The following HS6ST3 variants were observed in gnomAD, a reference collection of about 807,000 sequenced individuals.
The protein encoded by HS6ST3 is heparan sulfate 6-O-sulfotransferase 3.
HS6ST3 carries 12 observed loss-of-function variants against 36.7 expected under a neutral mutation model. The ratio of observed to expected loss-of-function variants is 0.33; its 90% CI spans 0.21 to 0.53. The LOEUF is 0.53. Among genes scored for constraint, HS6ST3 ranks in the 20% least tolerant of loss-of-function variants. The pLI is 0.95. For synonymous variants in HS6ST3, 240 were observed against 257.5 expected (o/e 0.93, Z 0.65); for missense variants, 584 against 640.9 (o/e 0.91, Z 0.96).
At chr13:96,817,165 A>G (rs544028144) in intron 1 of HS6ST3, among the ~76,000 whole-genome samples, 6 of 151,702 alleles carry the variant, frequency 4.0e-5, no homozygotes, top group Non-Finnish European at 7.4e-5. Context: ...GTCACCCTCC[A>G]TGGCTGTTTG....
chr13:96,788,008 C>G (rs886385803), intron 1 of HS6ST3, among the ~76,000 whole-genome samples: 1 of 151,920 alleles, frequency 6.6e-6, no homozygotes, highest in South Asian at 2.1e-4. Context: ...GTTGAAGACA[C>G]TATCATTCCT....
At chr13:96,652,364 T>G (rs1182277504) in intron 1 of HS6ST3, among the ~76,000 whole-genome samples, 1 of 152,000 alleles carries the variant, frequency 6.6e-6, no homozygotes, top group Non-Finnish European at 1.5e-5. Flanking sequence ...TTTCTTTTCC[T>G]TTCTTCCATT....
intron 1 of HS6ST3, among the ~76,000 whole-genome samples, chr13:96,095,559 A>G (rs968462515): frequency 2.6e-5 from 4 of 152,154 alleles, no homozygotes; most frequent in African/African-American, 9.7e-5. Flanking sequence ...AAGGTTGGGG[A>G]GAGGTGGTTT....
Position 96,257,422 on chromosome 13 carries a change from A to G in HS6ST3, c.707+165853A>G, listed in dbSNP as rs529818108. ...ATCCAAGGTTGTTATAGGGATTATC[A>G]TATTTATCTGAGAGGCAGCCTACCT... On this transcript the variant is annotated intron_variant, in intron 1 of 1. Transcript: ENST00000376705. Among the ~76,000 whole-genome samples, 31 of 152,318 alleles carry G rather than the reference A, an allele frequency of 2.0e-4. 1 individual carries two copies. The South Asian group carries it at 5.2e-3, about 25-fold the overall frequency.
chr13:96,474,754 A>G (rs1428837881), intron 1 of HS6ST3, among the ~76,000 whole-genome samples: 1 of 152,180 alleles, frequency 6.6e-6, no homozygotes, highest in African/African-American at 2.4e-5. Context: ...TCAACTTAAT[A>G]GGAAAAGAAT....
chr13:96,656,741 G>T (rs1303833991), intron 1 of HS6ST3, among the ~76,000 whole-genome samples: 1 of 152,062 alleles, frequency 6.6e-6, no homozygotes, highest in African/African-American at 2.4e-5. Context: ...CAATGAATTG[G>T]CTATTCTGAG....
intron 1 of HS6ST3, among the ~76,000 whole-genome samples, chr13:96,301,111 G>T (rs1725826757): frequency 6.6e-6 from 1 of 152,062 alleles, no homozygotes; most frequent in Non-Finnish European, 1.5e-5. Flanking sequence ...CAAGATGTAT[G>T]GTCATCTCTG....
intron 1 of HS6ST3, among the ~76,000 whole-genome samples, chr13:96,457,928 G>A (rs8002510): frequency 0.061 from 9,210 of 151,646 alleles, 368 homozygotes; most frequent in African/African-American, 0.1. Flanking sequence ...TCATTAAGAA[G>A]GCTAAGAGTC....
chr13:96,119,096 G>T (rs949928316), intron 1 of HS6ST3, among the ~76,000 whole-genome samples: 2 of 152,168 alleles, frequency 1.3e-5, no homozygotes, highest in Admixed American at 1.3e-4. Context: ...GCATGCAAAT[G>T]ACTGTGTGTT....
intron 1 of HS6ST3, among the ~76,000 whole-genome samples, chr13:96,690,964 G>T (rs951434551): frequency 6.6e-6 from 1 of 151,982 alleles, no homozygotes; most frequent in African/African-American, 2.4e-5. Flanking sequence ...ACAGTCCTTG[G>T]CACCCAGTAC....
intron 1 of HS6ST3, among the ~76,000 whole-genome samples, chr13:96,119,866 A>G (rs531938859): frequency 7.1e-6 from 1 of 139,960 alleles, no homozygotes; most frequent in Admixed American, 7.6e-5. Context: ...TGCAGCATTA[A>G]ATATAATAGG....
rs368560989 is a variant in HS6ST3, at chr13:96,301,202, C to T, written c.707+209633C>T. On this transcript the variant is annotated intron_variant, in intron 1 of 1. Coordinates refer to ENST00000376705, the MANE Select transcript of HS6ST3 (RefSeq NM_153456.4). ...TTATTCACAATGTTAACTTCTAATC[C>T]TCCTCCTATATACAGTTAAACAAAA... is the stretch of plus-strand genomic sequence containing the variant. 5.3e-5 allele frequency among the ~76,000 whole-genome samples: 8 copies of T among 152,262 alleles called. No individual in the cohort carries two copies. In the South Asian group the frequency reaches 1.7e-3, roughly 32 times the overall value.
intron 1 of HS6ST3, among the ~76,000 whole-genome samples, chr13:96,245,929 G>A (rs2054582953): frequency 6.6e-6 from 1 of 151,866 alleles, no homozygotes; most frequent in South Asian, 2.1e-4. Flanking sequence ...ATATAGAGGG[G>A]GAAACTACAT....
intron 1 of HS6ST3, among the ~76,000 whole-genome samples, chr13:96,366,447 T>TTAAATAAATAAATAAATAAATAAA (rs1338497724): frequency 1.2e-5 from 1 of 83,384 alleles, no homozygotes; most frequent in Non-Finnish European, 2.5e-5. Flanking sequence ...AGACCTTGTC[T>TTAAATAAATAAATAAATAAATAAA]CAAATAAATA....
intron 1 of HS6ST3, among the ~76,000 whole-genome samples, chr13:96,817,502 G>C (rs1347782491): frequency 6.6e-6 from 1 of 152,156 alleles, no homozygotes; most frequent in South Asian, 2.1e-4. Flanking sequence ...TAGAAAAATA[G>C]TTCTCAGCAC....
intron 1 of HS6ST3, among the ~76,000 whole-genome samples, chr13:96,259,179 T>C (rs890182571): frequency 2.0e-5 from 3 of 152,164 alleles, no homozygotes; most frequent in Non-Finnish European, 2.9e-5. Context: ...TGTCCGTGTA[T>C]GTGTGCATGG....
chr13:96,358,869 A>AATCT (rs58185989), intron 1 of HS6ST3, among the ~76,000 whole-genome samples: 22,477 of 147,520 alleles, frequency 0.15, 1,759 homozygotes, highest in Middle Eastern at 0.19. Flanking sequence ...GTATATATAT[A>AATCT]ATCTATCTAT....
chr13:96,599,344 T>G (rs1257046279), intron 1 of HS6ST3, among the ~76,000 whole-genome samples: 2 of 152,076 alleles, frequency 1.3e-5, no homozygotes, highest in Non-Finnish European at 2.9e-5. Flanking sequence ...TCAAAATTTC[T>G]ATTTCTTCCT....
intron 1 of HS6ST3, among the ~76,000 whole-genome samples, chr13:96,796,866 G>A (rs1232404797): frequency 6.6e-6 from 1 of 151,982 alleles, no homozygotes; most frequent in African/African-American, 2.4e-5. Context: ...CATTTATTTG[G>A]TAGGGGACTA....
Sources: gnomAD v4.1 joint callset for allele counts (sites outside exome capture counted in the v4.1 genomes callset) on GRCh38, gnomAD v4.1.1 for gene constraint, MANE v1.5 for transcripts, NCBI Gene and HGNC (gene_info 2026-07-23, HGNC 2026-07-21) for gene names.